Variants in FBP1 observed in about 807,000 individuals in gnomAD.
The protein encoded by FBP1 is fructose-bisphosphatase 1.
In FBP1, 22 loss-of-function variants were observed where a neutral mutation model predicts 29.9. The ratio of observed to expected loss-of-function variants is 0.74; its 90% CI spans 0.53 to 1.05. The LOEUF (loss-of-function observed/expected upper bound fraction) is 1.05, where lower values mean the gene tolerates loss of function less well. Among genes scored for constraint, FBP1 ranks in the 50% least tolerant of loss-of-function variants. The probability of loss-of-function intolerance (pLI) is 0.00; values close to 1 mark genes in which losing one functional copy is unlikely to be tolerated. For synonymous variants in FBP1, 175 were observed against 178.6 expected, an observed-to-expected ratio of 0.98 and a Z score of 0.16; for missense variants, 345 against 448.2, an observed-to-expected ratio of 0.77 and a Z score of 2.08.
At position 94,625,657 on chromosome 9, in the gene FBP1, C is replaced by T. The variant is rs191399438; in HGVS notation, c.171-5166G>A. Among the ~76,000 whole-genome samples the T allele has an allele frequency of 3.7e-3, 566 of 152,292 alleles. 3 individuals carry two copies. Among genetic ancestry groups the T allele is most frequent in the African/African-American group, 0.01 (419 of 41,570 alleles). Reference sequence around the variant, plus strand: ...AAAAATACAAAAAATTAGCCGGGGACGGTGGCAGGCGCCTGTGGTCCCAGC... The same window carrying T: ...AAAAATACAAAAAATTAGCCGGGGATGGTGGCAGGCGCCTGTGGTCCCAGC... On this transcript the variant is annotated intron_variant, in intron 1 of 6. Coordinates refer to ENST00000375326, the MANE Select transcript of FBP1 (RefSeq NM_000507.4).
At chr9:94,635,881 C>T (rs1476321509) in intron 1 of FBP1, among the ~76,000 whole-genome samples, 9 of 152,082 alleles carry the variant, frequency 5.9e-5, no homozygotes, top group African/African-American at 1.4e-4. Context: ...GTAGATGTCC[C>T]GATATTAATG....
chr9:94,623,460 G>A (rs886861163), intron 1 of FBP1, among the ~76,000 whole-genome samples: 1 of 152,224 alleles, frequency 6.6e-6, no homozygotes, highest in African/African-American at 2.4e-5. Flanking sequence ...CCACGCGGCT[G>A]TCAGAGGATT....
chr9:94,620,891 AT>A (rs1827936910), intron 1 of FBP1, among the ~76,000 whole-genome samples: 1 of 152,216 alleles, frequency 6.6e-6, no homozygotes, highest in South Asian at 2.1e-4. Flanking sequence ...CTGCATGTGT[AT>A]CCCAGAACTT....
chr9:94,616,516 C>G (rs1442456004), intron 3 of FBP1, among the ~76,000 whole-genome samples: 1 of 146,256 alleles, frequency 6.8e-6, no homozygotes, highest in Non-Finnish European at 1.5e-5. Context: ...TCTCGGCTCA[C>G]TGCAACCTCC....
intron 1 of FBP1, among the ~76,000 whole-genome samples, chr9:94,634,813 T>C (rs28402392): frequency 1.3e-5 from 2 of 152,056 alleles, no homozygotes; most frequent in Non-Finnish European, 2.9e-5. Flanking sequence ...ATACAAAAAT[T>C]AGGCCGGGCG....
At chr9:94,615,108 C>T (rs1827844214) in intron 3 of FBP1, among the ~76,000 whole-genome samples, 1 of 152,104 alleles carries the variant, frequency 6.6e-6, no homozygotes, top group Non-Finnish European at 1.5e-5. Flanking sequence ...TGGGGTTTCA[C>T]CGTGTTAGCC....
At position 94,620,454 on chromosome 9, in the gene FBP1, G is replaced by A; in HGVS notation, c.208C>T (p.Gln70Ter). ...IAGSTNVTGD[Q>*]VKKLDVLSND... ...GAGAGGACGTCCAGCTTCTTAACTT[G>A]ATCACCTGTCACGTTGGTAGAACCA... The change falls in exon 2 of 7, where the codon CAA becomes TAA. Residue 70 changes from glutamine (Q) to a stop codon, truncating the protein, a stop_gained. Transcript: ENST00000375326. LOFTEE classifies it high-confidence loss of function. 6.2e-7 allele frequency: 1 copy of A among 1,614,128 alleles called. No individual in the cohort carries two copies. The highest frequency in any genetic ancestry group is 2.2e-5 in the East Asian group (1 of 44,884).
At chr9:94,621,059 A>C (rs1827939742) in intron 1 of FBP1, among the ~76,000 whole-genome samples, 1 of 151,918 alleles carries the variant, frequency 6.6e-6, no homozygotes, top group Non-Finnish European at 1.5e-5. Flanking sequence ...TAAAAAATAC[A>C]AAAAAGTAGC....
intron 1 of FBP1, among the ~76,000 whole-genome samples, chr9:94,636,834 G>A (rs976930410): frequency 4.0e-5 from 6 of 151,896 alleles, no homozygotes; most frequent in East Asian, 3.9e-4. Flanking sequence ...GATTACAGGC[G>A]CCTGCCACCA....
At chr9:94,630,061 A>G (rs1475175844) in intron 1 of FBP1, among the ~76,000 whole-genome samples, 4 of 152,240 alleles carry the variant, frequency 2.6e-5, no homozygotes, top group African/African-American at 9.6e-5. Flanking sequence ...AAGGGGACCG[A>G]AACTCTTACA....
At chr9:94,614,613 A>G (rs1228532178) in intron 3 of FBP1, among the ~76,000 whole-genome samples, 1 of 152,174 alleles carries the variant, frequency 6.6e-6, no homozygotes, top group African/African-American at 2.4e-5. Context: ...ATGACCACAC[A>G]TCCTTCCACG....
At chr9:94,610,355 C>T (rs1194891385) in intron 3 of FBP1, among the ~76,000 whole-genome samples, 2 of 152,214 alleles carry the variant, frequency 1.3e-5, no homozygotes, top group East Asian at 3.8e-4. Context: ...AAAGAGCATG[C>T]CTTCTTGCCA....
At chr9:94,621,510 C>T (rs1255319750) in intron 1 of FBP1, among the ~76,000 whole-genome samples, 2 of 152,114 alleles carry the variant, frequency 1.3e-5, no homozygotes, top group East Asian at 1.9e-4. Flanking sequence ...CTCTTCACCT[C>T]GAACCTGTCA....
chr9:94,626,338 G>A (rs1587864094), intron 1 of FBP1, among the ~76,000 whole-genome samples: 1 of 152,332 alleles, frequency 6.6e-6, no homozygotes, highest in South Asian at 2.1e-4. Flanking sequence ...TAGAAACAGT[G>A]GGTCAAGAGA....
At chr9:94,639,068 C>G in intron 1 of FBP1, 73 bp downstream of exon 1, 2 of 1,475,244 alleles carry the variant, frequency 1.4e-6, no homozygotes, top group Non-Finnish European at 1.8e-6. Flanking sequence ...TCAGAGGGCC[C>G]AACGTCAGCC....
intron 4 of FBP1, among the ~76,000 whole-genome samples, chr9:94,608,759 C>T (rs1827738092): frequency 6.6e-6 from 1 of 152,128 alleles, no homozygotes; most frequent in African/African-American, 2.4e-5. Flanking sequence ...TTGAGTTAGC[C>T]TTCCTGCCAC....
Position 94,609,919 on chromosome 9 carries a change from A to T in FBP1, c.567+2T>A, listed in dbSNP as rs1401213192. ...CCCCCAGCCTCCTGTGAGGTCTCTCACCGGGTCCAGCATGAAGCAGTTGAC... is the reference window on the plus strand; with the variant it reads ...CCCCCAGCCTCCTGTGAGGTCTCTCTCCGGGTCCAGCATGAAGCAGTTGAC... On this transcript the variant is annotated splice_donor_variant, in intron 4 of 6. Coordinates refer to ENST00000375326, the MANE Select transcript of FBP1 (RefSeq NM_000507.4). LOFTEE classifies it high-confidence loss of function. 1 of 1,613,918 alleles carries T rather than the reference A, an allele frequency of 6.2e-7. No individual in the cohort carries two copies. The highest frequency in any genetic ancestry group is 8.5e-7 in the Non-Finnish European group (1 of 1,179,982).
At chr9:94,603,840 T>C (rs937437503) in intron 6 of FBP1, 4 of 489,718 alleles carry the variant, frequency 8.2e-6, no homozygotes, top group Non-Finnish European at 1.5e-5. Flanking sequence ...ACCACCTGCA[T>C]ACTGGACAGA....
At chr9:94,618,543 G>A (rs538382256) in intron 2 of FBP1, among the ~76,000 whole-genome samples, 2 of 151,636 alleles carry the variant, frequency 1.3e-5, no homozygotes, top group South Asian at 2.1e-4. Flanking sequence ...TACTCAGGAG[G>A]CTGAGACAGG....
Sources: allele counts gnomAD v4.1 joint callset (sites outside exome capture counted in the v4.1 genomes callset), GRCh38; gene constraint gnomAD v4.1.1; transcripts MANE v1.5; gene names NCBI Gene and HGNC (gene_info 2026-07-23, HGNC 2026-07-21).